ARHGAP10: variants seen among roughly 807,000 people sequenced by gnomAD.
The protein encoded by ARHGAP10 is Rho GTPase activating protein 10.
Under a neutral mutation model 108.6 loss-of-function variants are expected in ARHGAP10, and 87 were observed. The ratio of observed to expected loss-of-function variants is 0.80; its 90% CI spans 0.67 to 0.96. The LOEUF is 0.96. ARHGAP10 is among the 40% of genes least tolerant of loss of function. The probability of loss-of-function intolerance (pLI) is 0.00; values close to 1 mark genes in which losing one functional copy is unlikely to be tolerated. For synonymous variants in ARHGAP10, 347 were observed against 341.1 expected, an observed-to-expected ratio of 1.02 and a Z score of -0.19; for missense variants, 939 against 954.5, an observed-to-expected ratio of 0.98 and a Z score of 0.21.
At chr4:147,762,867 T>TTC (rs1729647601) in intron 1 of ARHGAP10, among the ~76,000 whole-genome samples, 1 of 152,004 alleles carries the variant, frequency 6.6e-6, no homozygotes, top group Non-Finnish European at 1.5e-5. Flanking sequence ...TGGACTGTGA[T>TTC]GGGGAGTGGG....
At chr4:147,967,776 A>G (rs1739261050) in intron 18 of ARHGAP10, among the ~76,000 whole-genome samples, 1 of 152,036 alleles carries the variant, frequency 6.6e-6, no homozygotes, top group African/African-American at 2.4e-5. Flanking sequence ...TTTTCTGTAA[A>G]GGACCAATCT....
intron 4 of ARHGAP10, among the ~76,000 whole-genome samples, chr4:147,856,861 CTGAT>C (rs1304437678): frequency 6.6e-6 from 1 of 152,042 alleles, no homozygotes; most frequent in Non-Finnish European, 1.5e-5. Context: ...GTAAAACATA[CTGAT>C]TGATTGAGAC....
chr4:148,008,289 C>G (rs1281944552), intron 18 of ARHGAP10, among the ~76,000 whole-genome samples: 1 of 152,038 alleles, frequency 6.6e-6, no homozygotes, highest in African/African-American at 2.4e-5. Flanking sequence ...TCAGTATCTC[C>G]CCCAGTTTCA....
intron 10 of ARHGAP10, among the ~76,000 whole-genome samples, chr4:147,891,585 A>G (rs1478132755): frequency 6.6e-6 from 1 of 152,196 alleles, no homozygotes; most frequent in African/African-American, 2.4e-5. Flanking sequence ...TGAACTGTAC[A>G]TTGTCAGTGG....
At position 147,756,320 on chromosome 4, in the gene ARHGAP10, G is replaced by A. The variant is rs373691154; in HGVS notation, c.154+23865G>A. 1.6e-4 allele frequency among the ~76,000 whole-genome samples: 24 copies of A among 152,128 alleles called. No homozygotes were observed. The South Asian group carries it at 5.0e-3, about 32-fold the overall frequency. On this transcript the variant is annotated intron_variant, in intron 1 of 22. Coordinates refer to ENST00000336498, the MANE Select transcript of ARHGAP10 (RefSeq NM_024605.4). ...GTAGAGGAAGGTGTGGGTGGTGGGG[G>A]GAGTATAAAATATTGGAATGGCTGT...
rs1735441854 is a variant in ARHGAP10, at chr4:147,884,004, C to T, written c.1034+2072C>T. ...GCCACTGTGCCTAGCTTGAGCCCTA[C>T]CTCTTAACCACTGTGCCATAAGTCT... On this transcript the variant is annotated intron_variant, in intron 10 of 22. Transcript: ENST00000336498. 2.0e-5 allele frequency among the ~76,000 whole-genome samples: 3 copies of T among 152,054 alleles called. No individual in the cohort carries two copies. In the South Asian group the frequency reaches 6.2e-4, roughly 32 times the overall value.
intron 15 of ARHGAP10, among the ~76,000 whole-genome samples, chr4:147,947,685 G>A (rs950211495): frequency 1.3e-5 from 2 of 151,808 alleles, no homozygotes; most frequent in African/African-American, 4.8e-5. Flanking sequence ...TTACAGGTGT[G>A]AGCCACCATA....
intron 18 of ARHGAP10, among the ~76,000 whole-genome samples, chr4:148,017,017 T>C (rs1000062114): frequency 1.5e-5 from 2 of 137,426 alleles, no homozygotes; most frequent in Admixed American, 7.5e-5. Context: ...CAGCTGGGCG[T>C]GGTGGTACAT....
chr4:147,813,243 C>T (rs183292419), intron 1 of ARHGAP10, among the ~76,000 whole-genome samples: 5 of 152,252 alleles, frequency 3.3e-5, no homozygotes, highest in East Asian at 3.9e-4. Context: ...GGCCTATACC[C>T]GAGTTGTCAC....
At chr4:147,881,797 A>T (rs374199958) in intron 9 of ARHGAP10, 41 bp from the exon 10 acceptor site, 3 of 1,593,180 alleles carry the variant, frequency 1.9e-6, no homozygotes, top group African/African-American at 2.7e-5. Flanking sequence ...GTATATACTT[A>T]TCCTGTAGGT....
Position 147,955,370 on chromosome 4 carries a change from A to G in ARHGAP10, c.1446A>G (p.Pro482=). The G allele has an allele frequency of 6.2e-7, 1 of 1,610,644 alleles. No individual in the cohort carries two copies. The highest frequency in any genetic ancestry group is 8.5e-7 in the Non-Finnish European group (1 of 1,177,408). The change falls in exon 16 of 23, where the codon CCA becomes CCG. Residue 482 remains proline (P), a synonymous_variant. Transcript: ENST00000336498. ...AGTTACATGGAGATTTCATTGTTCC[A>G]GCCAGTAAGTATTATGTAAAGGTAT... ...TYELHGDFIV[P]AKSGSPESRV... is the part of the protein sequence containing the mutation.
intron 13 of ARHGAP10, 98 bp from the exon 14 acceptor site, chr4:147,939,727 T>C: frequency 2.9e-6 from 3 of 1,034,624 alleles, no homozygotes; most frequent in Non-Finnish European, 4.6e-6. Flanking sequence ...ACAGGAATGC[T>C]GCTAATGTTA....
At chr4:147,883,436 A>G (rs1336985785) in intron 10 of ARHGAP10, among the ~76,000 whole-genome samples, 7 of 152,170 alleles carry the variant, frequency 4.6e-5, no homozygotes, top group Admixed American at 2.0e-4. Flanking sequence ...TCGAGCATAC[A>G]TCTGTGCGCA....
At chr4:147,875,844 C>A (rs943944549) in intron 8 of ARHGAP10, among the ~76,000 whole-genome samples, 3 of 152,204 alleles carry the variant, frequency 2.0e-5, no homozygotes, top group Non-Finnish European at 4.4e-5. Context: ...TTCTTTCAGA[C>A]TTTGAACATT....
chr4:147,913,602 T>C (rs1423724322), intron 13 of ARHGAP10, among the ~76,000 whole-genome samples: 1 of 152,142 alleles, frequency 6.6e-6, no homozygotes, highest in Non-Finnish European at 1.5e-5. Flanking sequence ...CTTTTACATG[T>C]CGAAGTTTCT....
intron 1 of ARHGAP10, among the ~76,000 whole-genome samples, chr4:147,774,311 A>C (rs1381289940): frequency 1.3e-5 from 2 of 152,202 alleles, no homozygotes; most frequent in African/African-American, 4.8e-5. Flanking sequence ...AAGATTCCCC[A>C]GGCTAGGCAA....
At chr4:147,777,112 T>C (rs1416019351) in intron 1 of ARHGAP10, among the ~76,000 whole-genome samples, 1 of 152,218 alleles carries the variant, frequency 6.6e-6, no homozygotes, top group Non-Finnish European at 1.5e-5. Flanking sequence ...TTTACATTAA[T>C]GTTAAACTGT....
chr4:147,937,689 A>G (rs1418824764), intron 13 of ARHGAP10, among the ~76,000 whole-genome samples: 1 of 152,164 alleles, frequency 6.6e-6, no homozygotes, highest in Non-Finnish European at 1.5e-5. Context: ...CTGGATAAAG[A>G]AAATGTGGGG....
At chr4:147,791,684 C>T (rs1366751956) in intron 1 of ARHGAP10, among the ~76,000 whole-genome samples, 1 of 151,520 alleles carries the variant, frequency 6.6e-6, no homozygotes, top group African/African-American at 2.4e-5. Flanking sequence ...TCCTGGGTTC[C>T]AGCGATTCTC....
Sources: gnomAD v4.1 joint callset for allele counts (sites outside exome capture counted in the v4.1 genomes callset) on GRCh38, gnomAD v4.1.1 for gene constraint, MANE v1.5 for transcripts, NCBI Gene and HGNC (gene_info 2026-07-23, HGNC 2026-07-21) for gene names.